The following AREG variants were observed in gnomAD, a reference collection of about 807,000 sequenced individuals.
AREG encodes the protein amphiregulin B.
Under a neutral mutation model 28.0 loss-of-function variants are expected in AREG, and 16 were observed. That is an observed-to-expected ratio of 0.57 (90% CI 0.39 to 0.87). AREG has a LOEUF of 0.87. Among genes scored for constraint, AREG ranks in the 40% least tolerant of loss-of-function variants. AREG has a pLI of 0.00. For missense variants in AREG, 287 were observed against 309.1 expected (o/e 0.93, Z 0.53); for synonymous variants, 113 against 113.5 (o/e 1.00, Z 0.02).
At position 74,446,652 on chromosome 4, in the gene AREG, G is replaced by C. The variant is rs578222639; in HGVS notation, c.180G>C (p.Gly60=). ...CCTCAAGAAGTGAGATGTCTTCAGG[G>C]AGTGAGATTTCCCCTGTGAGTGAAA... ...EVTSRSEMSS[G]SEISPVSEMP... Residue 60 remains glycine (G), a synonymous_variant, in exon 2 of 6, where the codon GGG becomes GGC. Coordinates refer to ENST00000395748, the MANE Select transcript of AREG (RefSeq NM_001657.4). 2.5e-5 allele frequency: 40 copies of C among 1,613,960 alleles called. No individual in the cohort carries two copies. In the East Asian group the frequency reaches 8.5e-4, roughly 34 times the overall value.
Position 74,449,075 on chromosome 4 carries a change from C to G in AREG, c.339C>G (p.Asn113Lys). 3 of 1,610,016 alleles carry G rather than the reference C, an allele frequency of 1.9e-6. No homozygotes were observed. In the South Asian group the frequency reaches 3.3e-5, roughly 18 times the overall value. Residue 113 changes from asparagine (N) to lysine (K), a missense_variant, in exon 3 of 6, where the codon AAC (asparagine) becomes AAG (lysine). Asn to Lys is a moderately conservative substitution (Grantham distance 94). Transcript: ENST00000395748. ...AACAGGTAGTTAAGCCCCCCCAAAA[C>G]AAGACGGAAAGTGAAAATACTTCAG... ...RVEQVVKPPQ[N>K]KTESENTSDK...
chr4:74,450,623 A>G, intron 4 of AREG, 91 bp downstream of exon 4: 2 of 1,483,864 alleles, frequency 1.3e-6, no homozygotes, highest in South Asian at 1.3e-5. Flanking sequence ...GGTATTTTAG[A>G]TGAATTATTA....
At chr4:74,448,531 C>T (rs1254346395) in intron 2 of AREG, 2 of 153,792 alleles carry the variant, frequency 1.3e-5, no homozygotes, top group Non-Finnish European at 2.9e-5. Context: ...ACAAAATGCA[C>T]AGCACTAACA....
In AREG at chr4:74,445,402, CTCAGGTGAGGATT is replaced by C; in HGVS notation, c.58_61+9del. 1 of 1,609,078 alleles carries C rather than the reference CTCAGGTGAGGATT, an allele frequency of 6.2e-7. No homozygotes were observed. Among genetic ancestry groups the C allele is most frequent in the African/African-American group, 1.3e-5 (1 of 74,986 alleles). The stretch of plus-strand genomic sequence containing the variant: ...TGGTGCTGTCGCTCTTGATACTCGG[CTCAGGTGAGGATT>C]CACCGGCGCTGAACTGCTGGGCTCT... On this transcript the variant is annotated splice_donor_variant and splice_donor_5th_base_variant and coding_sequence_variant and intron_variant, in exon 1 of 6. Coordinates refer to ENST00000395748, the MANE Select transcript of AREG (RefSeq NM_001657.4). LOFTEE classifies it high-confidence loss of function.
Position 74,454,754 on chromosome 4 carries a change from C to T in AREG, c.*19-5C>T, listed in dbSNP as rs906721524. On this transcript the variant is annotated splice_polypyrimidine_tract_variant and splice_region_variant and intron_variant, in intron 5 of 5. Coordinates refer to ENST00000395748, the MANE Select transcript of AREG (RefSeq NM_001657.4). ...ATTATTTTATTTTATTTTATTTTCT[C>T]ACAGGATATCACATTGGAGTCACTG... is the stretch of plus-strand genomic sequence containing the variant. 6 of 677,910 alleles carry T rather than the reference C, an allele frequency of 8.9e-6. No individual in the cohort carries two copies. Among genetic ancestry groups the T allele is most frequent in the African/African-American group, 7.1e-5 (4 of 56,506 alleles). The allele number at this position is 677,910 out of a possible 1,614,324, so 42.0% of individuals were successfully genotyped here.
At position 74,446,579 on chromosome 4, in the gene AREG, A is replaced by C; in HGVS notation, c.107A>C (p.Lys36Thr). 2 of 1,613,968 alleles carry C rather than the reference A, an allele frequency of 1.2e-6. No homozygotes were observed. Among genetic ancestry groups the C allele is most frequent in the South Asian group, 1.1e-5 (1 of 91,078 alleles). ...GACCTCAATGACACCTACTCTGGGA[A>C]GCGTGAACCATTTTCTGGGGACCAC... ...GLDLNDTYSG[K>T]REPFSGDHSA... Residue 36 changes from lysine (K) to threonine (T), a missense_variant, in exon 2 of 6, where the codon AAG (lysine) becomes ACG (threonine). By Grantham distance (78) the Lys-to-Thr change is moderately conservative (BLOSUM62 -1). Coordinates refer to ENST00000395748, the MANE Select transcript of AREG (RefSeq NM_001657.4).
chr4:74,445,293 TCCCAGAGACCGAGTTGC>T lies in AREG; in HGVS notation c.-39_-23del. 2 of 1,591,716 alleles carry T rather than the reference TCCCAGAGACCGAGTTGC, an allele frequency of 1.3e-6. No individual in the cohort carries two copies. Among genetic ancestry groups the T allele is most frequent in the Admixed American group, 1.8e-5 (1 of 56,820 alleles). ...CCGCTCGTTTTGGCGGCAGCTCGTG[TCCCAGAGACCGAGTTGC>T]CCCAGAGACCGAGACGCCGCCGCTG... On this transcript the variant is annotated 5_prime_UTR_variant, in exon 1 of 6. Transcript: ENST00000395748.
In AREG at chr4:74,452,533, G is replaced by T; in HGVS notation, c.666-11G>T. 1 of 1,613,346 alleles carries T rather than the reference G, an allele frequency of 6.2e-7. No individual in the cohort carries two copies. The highest frequency in any genetic ancestry group is 8.5e-7 in the Non-Finnish European group (1 of 1,179,570). Reference sequence around the variant, plus strand: ...AACCTTGATAACATTAGAATGCCTTGTTCTCTGAAGGCTTAGAAGACAATA... The same window carrying T: ...AACCTTGATAACATTAGAATGCCTTTTTCTCTGAAGGCTTAGAAGACAATA... On this transcript the variant is annotated splice_polypyrimidine_tract_variant and intron_variant, in intron 4 of 5. Transcript: ENST00000395748.
chr4:74,453,078 G>A (rs1278254253), intron 5 of AREG, among the ~76,000 whole-genome samples: 1 of 152,180 alleles, frequency 6.6e-6, no homozygotes, highest in African/African-American at 2.4e-5. Flanking sequence ...AGTGAACGTT[G>A]AAGGACTAGT....
Position 74,453,343 on chromosome 4 carries a change from A to G in AREG, c.*18+688A>G, listed in dbSNP as rs909020811. On this transcript the variant is annotated intron_variant, in intron 5 of 5. Coordinates refer to ENST00000395748, the MANE Select transcript of AREG (RefSeq NM_001657.4). Reference sequence around the variant, plus strand: ...GGAAGTAGAAAGGGAGGGGGATGTAAATTTGATAAATAGGTTGGTGAAAAC... The same window carrying G: ...GGAAGTAGAAAGGGAGGGGGATGTAGATTTGATAAATAGGTTGGTGAAAAC... Among the ~76,000 whole-genome samples the G allele has an allele frequency of 8.9e-4, 135 of 152,218 alleles. 1 individual carries two copies. Among genetic ancestry groups the G allele is most frequent in the African/African-American group, 3.0e-3 (124 of 41,520 alleles).
At chr4:74,445,633 C>T (rs1262917315) in intron 1 of AREG, among the ~76,000 whole-genome samples, 1 of 152,176 alleles carries the variant, frequency 6.6e-6, no homozygotes, top group Non-Finnish European at 1.5e-5. Flanking sequence ...TTTAGTTCAG[C>T]TGAGAAGACG....
rs778369524 is a variant in AREG at position 74,446,687 on chromosome 4, G to A, written c.215G>A (p.Ser72Asn). The part of the protein sequence containing the change: ...EISPVSEMPS[S>N]SEPSSGADYD... ...TCCCCTGTGAGTGAAATGCCTTCTA[G>A]TAGTGAACCGTCCTCGGGAGCCGAC... Residue 72 changes from serine (S) to asparagine (N), a missense_variant, in exon 2 of 6, where the codon AGT becomes AAT. Coordinates refer to ENST00000395748, the MANE Select transcript of AREG (RefSeq NM_001657.4). 1 of 1,613,922 alleles carries A rather than the reference G, an allele frequency of 6.2e-7. No individual in the cohort carries two copies. The highest frequency in any genetic ancestry group is 1.1e-5 in the South Asian group (1 of 91,070).
chr4:74,449,847 G>A (rs1429886512), intron 3 of AREG, among the ~76,000 whole-genome samples: 2 of 151,908 alleles, frequency 1.3e-5, no homozygotes, highest in African/African-American at 2.4e-5. Flanking sequence ...TTTGATCCAT[G>A]GGCTGTAGTT....
At position 74,449,264 on chromosome 4, in the gene AREG, G is replaced by A. The variant is rs1719342647; in HGVS notation, c.512+16G>A. ...TAACATGCAAGTAAGTTTTCCTAAAGCATATAGAATTTTGTATTTCTAGCA... is the reference window on the plus strand; with the variant it reads ...TAACATGCAAGTAAGTTTTCCTAAAACATATAGAATTTTGTATTTCTAGCA... On this transcript the variant is annotated intron_variant, in intron 3 of 5. Transcript: ENST00000395748. 2 of 1,613,356 alleles carry A rather than the reference G, an allele frequency of 1.2e-6. No homozygotes were observed. The highest frequency in any genetic ancestry group is 2.2e-5 in the East Asian group (1 of 44,754).
intron 1 of AREG, 59 bp downstream of exon 1, chr4:74,445,465 T>G: frequency 6.4e-7 from 1 of 1,570,150 alleles, no homozygotes; most frequent in South Asian, 1.2e-5. Context: ...TTTTGCCTCT[T>G]GAGTTTGGCT....
intron 4 of AREG, among the ~76,000 whole-genome samples, chr4:74,451,928 T>G (rs1189945589): frequency 6.6e-6 from 1 of 152,170 alleles, no homozygotes; most frequent in Non-Finnish European, 1.5e-5. Flanking sequence ...GTTTTCATAA[T>G]TGAGGTGAGT....
intron 5 of AREG, among the ~76,000 whole-genome samples, chr4:74,453,368 CTT>C (rs1350997962): frequency 1.3e-5 from 2 of 151,930 alleles, no homozygotes; most frequent in Admixed American, 6.6e-5. Context: ...TTGGTGAAAA[CTT>C]ATATTTTCTT....
chr4:74,454,737 A>C (rs1719435817), intron 5 of AREG, 22 bp from the exon 6 acceptor site: 1 of 668,760 alleles, frequency 1.5e-6, no homozygotes, highest in Non-Finnish European at 2.7e-6. Context: ...TTATTATTTT[A>C]TTTTATTTTA....
In AREG at chr4:74,454,827, A is replaced by G. The variant is rs1560615665; in HGVS notation, c.*87A>G. 4.3e-6 allele frequency: 3 copies of G among 700,466 alleles called. No individual in the cohort carries two copies. The highest frequency in any genetic ancestry group is 7.8e-6 in the Non-Finnish European group (3 of 383,690). The allele number at this position is 700,466 out of a possible 1,614,324, so 43.4% of individuals were successfully genotyped here. Reference sequence around the variant, plus strand: ...GAGTCGGTCCTCTTTCCAGTGGATCATAAGACAATGGACCCTTTTTGTTAT... The same window carrying G: ...GAGTCGGTCCTCTTTCCAGTGGATCGTAAGACAATGGACCCTTTTTGTTAT... On this transcript the variant is annotated 3_prime_UTR_variant, in exon 6 of 6. Transcript: ENST00000395748.
Sources: gnomAD v4.1 joint callset for allele counts (sites outside exome capture counted in the v4.1 genomes callset) on GRCh38, gnomAD v4.1.1 for gene constraint, MANE v1.5 for transcripts, NCBI Gene and HGNC (gene_info 2026-07-23, HGNC 2026-07-21) for gene names.